TECTB: variants seen among roughly 807,000 people sequenced by gnomAD.
TECTB encodes beta-tectorin.
Under a neutral mutation model 43.3 loss-of-function variants are expected in TECTB, and 45 were observed. That is an observed-to-expected ratio of 1.04 (90% CI 0.82 to 1.33). TECTB has a LOEUF of 1.33. Among genes scored for constraint, TECTB ranks in the 40% most tolerant of loss-of-function variants. The probability of loss-of-function intolerance (pLI) is 0.00; values close to 1 mark genes in which losing one functional copy is unlikely to be tolerated. For synonymous variants in TECTB, 169 were observed against 156.7 expected (o/e 1.08, Z -0.59); for missense variants, 399 against 404.7 (o/e 0.99, Z 0.12).
At chr10:112,293,264 A>G (rs544367461) in intron 5 of TECTB, among the ~76,000 whole-genome samples, 2 of 152,168 alleles carry the variant, frequency 1.3e-5, no homozygotes, top group Non-Finnish European at 2.9e-5. Flanking sequence ...AGTGGTTGTT[A>G]TTGTTGTTGA....
rs139600712 is a variant in TECTB, at chr10:112,286,346, G to C, written c.438G>C (p.Gly146=). The C allele has an allele frequency of 5.1e-5, 82 of 1,611,560 alleles. 1 individual carries two copies. In the East Asian group the frequency reaches 1.8e-3, roughly 35 times the overall value. Residue 146 remains glycine (G), a synonymous_variant, in exon 5 of 11, where the codon GGG becomes GGC. Coordinates refer to ENST00000646139, the MANE Select transcript of TECTB (RefSeq NM_058222.3). ...TGGCCACTGTTCACGTGAAGAACGG[G>C]AGCATGGGCACATTTGAGAGCCAAC... is the stretch of plus-strand genomic sequence containing the variant. ...QRVATVHVKN[G]SMGTFESQLS... is the part of the protein sequence containing the mutation.
intron 3 of TECTB, 41 bp downstream of exon 3, chr10:112,284,766 G>C: frequency 7.1e-7 from 1 of 1,415,600 alleles, no homozygotes; most frequent in Non-Finnish European, 9.3e-7. Flanking sequence ...TTAAGGTAAG[G>C]CAACTGGACC....
At chr10:112,296,998 A>G (rs1758826892) in intron 7 of TECTB, among the ~76,000 whole-genome samples, 1 of 152,158 alleles carries the variant, frequency 6.6e-6, no homozygotes, top group Non-Finnish European at 1.5e-5. Flanking sequence ...AAACCCCCAC[A>G]ATAGTGTGGG....
chr10:112,283,844 A>C (rs775278520), intron 2 of TECTB, 34 bp downstream of exon 2: 1 of 1,606,864 alleles, frequency 6.2e-7, no homozygotes. Flanking sequence ...TCCTGGGACG[A>C]AAAGTTTCCT....
chr10:112,299,678 TG>T (rs1316892031), intron 9 of TECTB, 114 bp downstream of exon 9: 11 of 1,161,804 alleles, frequency 9.5e-6, no homozygotes, highest in African/African-American at 1.5e-5. Flanking sequence ...GTCGTGCCTG[TG>T]GGCACAACCT....
chr10:112,300,923 G>C (rs1243081808), intron 9 of TECTB, among the ~76,000 whole-genome samples: 2 of 152,250 alleles, frequency 1.3e-5, no homozygotes, highest in East Asian at 1.9e-4. Flanking sequence ...CTGAAGGATA[G>C]TGTGACATGA....
At chr10:112,285,180 A>C (rs1848443613) in intron 3 of TECTB, among the ~76,000 whole-genome samples, 1 of 152,214 alleles carries the variant, frequency 6.6e-6, no homozygotes, top group African/African-American at 2.4e-5. Flanking sequence ...CCAGGATGGG[A>C]TATCATAAGA....
Position 112,303,467 on chromosome 10 carries a change from G to C in TECTB, c.*155G>C. 1.1e-6 allele frequency: 1 copy of C among 890,864 alleles called. No individual in the cohort carries two copies. The highest frequency in any genetic ancestry group is 1.7e-6 in the Non-Finnish European group (1 of 574,168). The allele number at this position is 890,864 out of a possible 1,614,324, so 55.2% of individuals were successfully genotyped here. On this transcript the variant is annotated 3_prime_UTR_variant, in exon 11 of 11. Transcript: ENST00000646139. ...AAATATGCACTCCAATAATTTCTGT[G>C]AATTTGGTGATGCCTTTTTCTTTCT...
intron 5 of TECTB, among the ~76,000 whole-genome samples, chr10:112,289,337 A>C (rs1381606384): frequency 6.6e-6 from 1 of 152,202 alleles, no homozygotes; most frequent in Non-Finnish European, 1.5e-5. Context: ...ATAGAAATGA[A>C]AAAGCTTAAG....
At chr10:112,286,237 G>T in intron 4 of TECTB, 24 bp downstream of exon 4, 1 of 1,614,134 alleles carries the variant, frequency 6.2e-7, no homozygotes, top group Non-Finnish European at 8.5e-7. Context: ...CGGCATGGAG[G>T]GCTGGCTGCC....
chr10:112,299,371 A>C, intron 8 of TECTB, 121 bp from the exon 9 acceptor site: 1 of 873,308 alleles, frequency 1.1e-6, no homozygotes, highest in Non-Finnish European at 1.8e-6. Flanking sequence ...TGACTGGGGA[A>C]TTGTGACTCC....
intron 10 of TECTB, chr10:112,302,779 G>T (rs750123994): frequency 1.6e-4 from 28 of 174,900 alleles, no homozygotes; most frequent in Non-Finnish European, 3.6e-5. Context: ...GGGTTCAATG[G>T]GGGACGTGAT....
At chr10:112,293,660 C>T (rs763963720) in intron 5 of TECTB, 78 bp from the exon 6 acceptor site, 75 of 1,299,606 alleles carry the variant, frequency 5.8e-5, no homozygotes, top group Non-Finnish European at 8.4e-5. Flanking sequence ...CCCACCCCAT[C>T]CCAATTCATC....
intron 6 of TECTB, 55 bp from the exon 7 acceptor site, chr10:112,293,922 GT>G: frequency 6.2e-7 from 1 of 1,607,164 alleles, no homozygotes; most frequent in Non-Finnish European, 8.5e-7. Context: ...ATCATCAGAT[GT>G]TTGTAGGCAT....
chr10:112,300,279 A>AAAGAAAGAAAGAAAGAAAGGAAAG (rs1361291056), intron 9 of TECTB, among the ~76,000 whole-genome samples: 1 of 48,360 alleles, frequency 2.1e-5, no homozygotes, highest in African/African-American at 8.9e-5. Flanking sequence ...AGAAAGAAAG[A>AAAGAAAGAAAGAAAGAAAGGAAAG]AAAGAAAGAA....
chr10:112,292,135 C>CA (rs1218997579), intron 5 of TECTB, among the ~76,000 whole-genome samples: 10,795 of 109,704 alleles, frequency 0.098, 566 homozygotes, highest in East Asian at 0.27. Context: ...GACTCCATCT[C>CA]AAAAAAAAAA....
chr10:112,303,306 G>A lies in TECTB; in HGVS notation c.984G>A (p.Val328=), dbSNP rs1473592003. 2 of 1,614,054 alleles carry A rather than the reference G, an allele frequency of 1.2e-6. No individual in the cohort carries two copies. Among genetic ancestry groups the A allele is most frequent in the Non-Finnish European group, 8.5e-7 (1 of 1,180,034 alleles). The stretch of plus-strand genomic sequence containing the variant: ...TCATGATGTTGGGGATTTGTGCCGT[G>A]TTATAGGAGTTAGCCAGGCAGCTGC... ...HLIMMLGICA[V]L Residue 328 remains valine (V), a synonymous_variant, in exon 11 of 11, where the codon GTG becomes GTA. Transcript: ENST00000646139.
At chr10:112,298,787 C>G (rs1848571286) in intron 8 of TECTB, among the ~76,000 whole-genome samples, 1 of 152,218 alleles carries the variant, frequency 6.6e-6, no homozygotes, top group Non-Finnish European at 1.5e-5. Flanking sequence ...AACAAGCCAG[C>G]AGTCATGCCG....
chr10:112,299,600 T>C (rs749910086), intron 9 of TECTB, 36 bp downstream of exon 9: 1 of 1,608,258 alleles, frequency 6.2e-7, no homozygotes, highest in Admixed American at 1.7e-5. Flanking sequence ...TTCCAAACGG[T>C]TGAGTTCACG....
Sources: gnomAD v4.1 joint callset for allele counts (sites outside exome capture counted in the v4.1 genomes callset) on GRCh38, gnomAD v4.1.1 for gene constraint, MANE v1.5 for transcripts, NCBI Gene and HGNC (gene_info 2026-07-23, HGNC 2026-07-21) for gene names.